FBXO4: variants seen among roughly 807,000 people sequenced by gnomAD.
FBXO4 encodes the protein F-box protein 4.
A neutral mutation model predicts 43.7 loss-of-function variants in FBXO4; 36 were observed. The ratio of observed to expected loss-of-function variants is 0.82; its 90% CI spans 0.63 to 1.09. FBXO4 has a LOEUF of 1.09. Ranked by LOEUF, FBXO4 falls within the 50% of genes least tolerant of loss-of-function variation. The pLI is 0.00. For missense variants in FBXO4, 435 were observed against 474.1 expected (o/e 0.92, Z 0.77); for synonymous variants, 180 against 165.6 (o/e 1.09, Z -0.67).
At chr5:41,932,827 A>G (rs1454325223) in intron 3 of FBXO4, among the ~76,000 whole-genome samples, 1 of 152,230 alleles carries the variant, frequency 6.6e-6, no homozygotes, top group African/African-American at 2.4e-5. Flanking sequence ...AGGATGAAGT[A>G]GAGCCATGGA....
At chr5:42,029,116 G>A in the FBXO4 span, among the ~76,000 whole-genome samples, 1 of 151,874 alleles carries the variant, frequency 6.6e-6, no homozygotes, top group African/African-American at 2.4e-5. Flanking sequence ...GGCTTTTCCT[G>A]TAGGACAGGT....
At chr5:42,031,884 A>G in the FBXO4 span, among the ~76,000 whole-genome samples, 1 of 152,002 alleles carries the variant, frequency 6.6e-6, no homozygotes, top group Non-Finnish European at 1.5e-5. Flanking sequence ...CTGTATCTGC[A>G]TTAGGAAGCA....
chr5:42,014,263 C>G, the FBXO4 span, among the ~76,000 whole-genome samples: 6 of 152,108 alleles, frequency 3.9e-5, no homozygotes, highest in African/African-American at 1.4e-4. Flanking sequence ...CCCCCATCTT[C>G]TGATTTTATT....
the FBXO4 span, among the ~76,000 whole-genome samples, chr5:41,971,408 C>G: frequency 6.6e-6 from 1 of 151,926 alleles, no homozygotes; most frequent in South Asian, 2.1e-4. Context: ...AAAAAGTTAA[C>G]CAATTTAACA....
the FBXO4 span, among the ~76,000 whole-genome samples, chr5:42,002,298 T>C: frequency 1.3e-5 from 2 of 152,198 alleles, no homozygotes; most frequent in African/African-American, 2.4e-5. Flanking sequence ...GTTATAGTAG[T>C]GCAAGGCTTA....
At chr5:41,969,537 T>TCATTTCTTTTTA in the FBXO4 span, among the ~76,000 whole-genome samples, 1 of 152,172 alleles carries the variant, frequency 6.6e-6, no homozygotes, top group African/African-American at 2.4e-5. Flanking sequence ...TATTTGGCTA[T>TCATTTCTTTTTA]ATCATTTTCT....
At chr5:42,032,463 T>C in the FBXO4 span, among the ~76,000 whole-genome samples, 444 of 152,236 alleles carry the variant, frequency 2.9e-3, 3 homozygotes, top group African/African-American at 0.01. Context: ...TCCTTCCCAC[T>C]CTTCCCTCCC....
At position 41,925,316 on chromosome 5, in the gene FBXO4, G is replaced by A. The variant is rs1252126926; in HGVS notation, c.7G>A (p.Gly3Arg). MAGSEPRSGTNSP... is the reference protein window; with the variant it reads MARSEPRSGTNSP... ...CCCACGCTGCGGGCAAGCCATGGCG[G>A]GAAGCGAGCCGCGCAGCGGAACAAA... Residue 3 changes from glycine to arginine, a missense_variant, in exon 1 of 7, where the codon GGA becomes AGA. Transcript: ENST00000281623. 4.5e-6 allele frequency: 6 copies of A among 1,341,508 alleles called. No homozygotes were observed. Among genetic ancestry groups the A allele is most frequent in the African/African-American group, 1.5e-5 (1 of 65,056 alleles). 83.1% of individuals were successfully genotyped at this position (1,341,508 alleles called of 1,614,324 possible). A position where few individuals can be genotyped will look rare whatever the true frequency, so the allele number is the denominator to read the frequency against.
At chr5:42,030,122 G>C in the FBXO4 span, among the ~76,000 whole-genome samples, 1 of 151,910 alleles carries the variant, frequency 6.6e-6, no homozygotes, top group Non-Finnish European at 1.5e-5. Context: ...AGTTCATATG[G>C]AACCAAAAAA....
the FBXO4 span, among the ~76,000 whole-genome samples, chr5:41,949,878 T>C: frequency 2.6e-4 from 39 of 152,076 alleles, no homozygotes; most frequent in Non-Finnish European, 1.5e-4. Flanking sequence ...TATAGACCAA[T>C]GGAACAGAAC....
the FBXO4 span, chr5:41,963,976 ATT>A: frequency 5.3e-5 from 8 of 152,208 alleles, no homozygotes; most frequent in African/African-American, 1.9e-4. Context: ...AGTCAGGATG[ATT>A]TTTTATGCTT....
At chr5:41,938,029 TAAAG>T (rs1041188843) in intron 5 of FBXO4, among the ~76,000 whole-genome samples, 6 of 152,186 alleles carry the variant, frequency 3.9e-5, no homozygotes, top group Non-Finnish European at 5.9e-5. Context: ...TAAGAAATCT[TAAAG>T]GAAGCTCTTT....
At chr5:42,002,168 C>T in the FBXO4 span, among the ~76,000 whole-genome samples, 1 of 152,052 alleles carries the variant, frequency 6.6e-6, no homozygotes, top group African/African-American at 2.4e-5. Context: ...TGTAAACAGG[C>T]CACCCAAAGT....
chr5:41,931,951 G>T (rs1367778856), intron 3 of FBXO4, among the ~76,000 whole-genome samples: 1 of 152,156 alleles, frequency 6.6e-6, no homozygotes, highest in Non-Finnish European at 1.5e-5. Flanking sequence ...TGGGAGTTAA[G>T]AGAACATGAA....
chr5:42,007,206 AG>A, the FBXO4 span, among the ~76,000 whole-genome samples: 1 of 150,814 alleles, frequency 6.6e-6, no homozygotes, highest in African/African-American at 2.4e-5. Context: ...TTATAAAAAA[AG>A]GACATTTGGA....
chr5:41,986,864 C>G, the FBXO4 span, among the ~76,000 whole-genome samples: 1 of 152,128 alleles, frequency 6.6e-6, no homozygotes, highest in Non-Finnish European at 1.5e-5. Flanking sequence ...GATAAAACAA[C>G]AGAATTCTAG....
At chr5:41,940,934 T>G (rs1489855197) in intron 6 of FBXO4, among the ~76,000 whole-genome samples, 1 of 152,192 alleles carries the variant, frequency 6.6e-6, no homozygotes, top group Non-Finnish European at 1.5e-5. Flanking sequence ...TGGAAGCAAG[T>G]CATGGAAATG....
At chr5:41,925,541 C>A in intron 1 of FBXO4, 43 bp downstream of exon 1, 1 of 1,278,434 alleles carries the variant, frequency 7.8e-7, no homozygotes, top group Non-Finnish European at 1.0e-6. Flanking sequence ...GGGGCCGGCC[C>A]GGGCCGGAGG....
the FBXO4 span, among the ~76,000 whole-genome samples, chr5:42,036,943 C>T: frequency 6.6e-6 from 1 of 151,972 alleles, no homozygotes; most frequent in Non-Finnish European, 1.5e-5. Context: ...TAAAGAAAGG[C>T]TAATCCCATT....
Sources: allele counts gnomAD v4.1 joint callset (sites outside exome capture counted in the v4.1 genomes callset), GRCh38; gene constraint gnomAD v4.1.1; transcripts MANE v1.5; gene names NCBI Gene and HGNC (gene_info 2026-07-23, HGNC 2026-07-21).